The following NLRP13 variants were observed in gnomAD, a reference collection of about 807,000 sequenced individuals.
NLRP13 encodes the protein NLR family pyrin domain containing 13.
NLRP13 carries 82 observed loss-of-function variants against 94.4 expected under a neutral mutation model. The ratio of observed to expected loss-of-function variants is 0.87; its 90% confidence interval spans 0.73 to 1.04. NLRP13 has a LOEUF of 1.04. Among genes scored for constraint, NLRP13 ranks in the 50% least tolerant of loss-of-function variants. The pLI, the probability that NLRP13 is intolerant of heterozygous loss-of-function variation, is 0.00. For synonymous variants in NLRP13, 553 were observed against 464.7 expected, an observed-to-expected ratio of 1.19 and a Z score of -2.45; for missense variants, 1,426 against 1,230.8, an observed-to-expected ratio of 1.16 and a Z score of -2.37.
chr19:55,912,287 C>T lies in NLRP13; in HGVS notation c.1530G>A (p.Val510=), dbSNP rs199475875. Residue 510 remains valine, a synonymous_variant, in exon 5 of 11, where the codon GTG becomes GTA. Coordinates refer to ENST00000342929, the MANE Select transcript of NLRP13 (RefSeq NM_176810.2). Reference sequence around the variant, plus strand: ...ACTCGTAGAGAGAATCAATGAAAGGCACTTCCAGGCCCTCGATCTCAGTGT... The same window carrying T: ...ACTCGTAGAGAGAATCAATGAAAGGTACTTCCAGGCCCTCGATCTCAGTGT... ...KEDTEIEGLE[V]PFIDSLYEFN... 1.2e-5 allele frequency: 20 copies of T among 1,614,116 alleles called. No individual in the cohort carries two copies. The African/African-American group carries it at 2.7e-4, about 22-fold the overall frequency.
chr19:55,913,160 C>T lies in NLRP13; in HGVS notation c.657G>A (p.Leu219=). The change falls in exon 5 of 11, where the codon CTG becomes CTA. Residue 219 remains leucine, a synonymous_variant. Transcript: ENST00000342929. ...CCTGGGCTCTAGTCCTATTAGGATC[C>T]AGTAGGCGCTGCAGTTCCTCATGTT... ...KDEHEELQRL[L]DPNRTRAQAQ... 11 of 1,614,110 alleles carry T rather than the reference C, an allele frequency of 6.8e-6. No individual in the cohort carries two copies. Among genetic ancestry groups the T allele is most frequent in the Non-Finnish European group, 9.3e-6 (11 of 1,180,026 alleles).
downstream of NLRP13, chr19:55,892,096 C>T (rs1364450607): frequency 3.2e-6 from 4 of 1,231,856 alleles, no homozygotes; most frequent in African/African-American, 4.7e-5. Flanking sequence ...TCCTCTCTCA[C>T]TACATTGTGC....
downstream of NLRP13, among the ~76,000 whole-genome samples, chr19:55,895,746 A>G (rs1985989733): frequency 6.6e-6 from 1 of 152,194 alleles, no homozygotes; most frequent in African/African-American, 2.4e-5. Flanking sequence ...CCATGTTTCA[A>G]GTGCCCAATG....
chr19:55,912,280 T>C lies in NLRP13; in HGVS notation c.1537A>G (p.Ile513Val). The C allele has an allele frequency of 1.2e-6, 2 of 1,614,136 alleles. No homozygotes were observed. Among genetic ancestry groups the C allele is most frequent in the African/African-American group, 1.3e-5 (1 of 75,044 alleles). Reference protein sequence around the residue: ...TEIEGLEVPFIDSLYEFNILQ... With the variant: ...TEIEGLEVPFVDSLYEFNILQ... The stretch of plus-strand genomic sequence containing the variant: ...ATATTGAACTCGTAGAGAGAATCAA[T>C]GAAAGGCACTTCCAGGCCCTCGATC... Residue 513 changes from isoleucine to valine, a missense_variant, in exon 5 of 11, where the codon ATT becomes GTT. Ile to Val is a conservative substitution (Grantham distance 29, BLOSUM62 3). Transcript: ENST00000342929.
At chr19:55,931,718 A>AGACAGAAAGACAGAAAGAAAGAAAG in intron 1 of NLRP13, among the ~76,000 whole-genome samples, 1 of 96,032 alleles carries the variant, frequency 1.0e-5, no homozygotes, top group African/African-American at 4.1e-5. Flanking sequence ...TCAAAAAAAA[A>AGACAGAAAGACAGAAAGAAAGAAAG]AAAAAAAGAA....
At chr19:55,916,170 C>T (rs1986669025) in intron 4 of NLRP13, among the ~76,000 whole-genome samples, 1 of 152,050 alleles carries the variant, frequency 6.6e-6, no homozygotes, top group African/African-American at 2.4e-5. Context: ...TCAGAAAAGC[C>T]AAATGACCCT....
chr19:55,910,368 T>A (rs149639649), intron 6 of NLRP13, among the ~76,000 whole-genome samples, 195 bp downstream of exon 6: 1 of 152,196 alleles, frequency 6.6e-6, no homozygotes, highest in Non-Finnish European at 1.5e-5. Flanking sequence ...GCGAGATCAT[T>A]CTTGATAGAT....
chr19:55,923,001 C>T (rs76460715), intron 4 of NLRP13, among the ~76,000 whole-genome samples: 2,932 of 152,196 alleles, frequency 0.019, 91 homozygotes, highest in African/African-American at 0.064. Flanking sequence ...GCTCTATGTC[C>T]CTGTGATTCT....
intron 4 of NLRP13, among the ~76,000 whole-genome samples, chr19:55,913,955 CA>C (rs1986613960): frequency 6.6e-6 from 1 of 152,170 alleles, no homozygotes; most frequent in Non-Finnish European, 1.5e-5. Context: ...TTCAGAGCAA[CA>C]AGGGATTTGG....
At chr19:55,898,252 C>A (rs969800053) in intron 10 of NLRP13, among the ~76,000 whole-genome samples, 2 of 144,652 alleles carry the variant, frequency 1.4e-5, no homozygotes, top group African/African-American at 5.1e-5. Flanking sequence ...TCTTGTCTCC[C>A]AGGCTGGAGT....
Position 55,902,083 on chromosome 19 carries a change from A to C in NLRP13, c.2741T>G (p.Phe914Cys), listed in dbSNP as rs1273116041. 1 of 1,614,076 alleles carries C rather than the reference A, an allele frequency of 6.2e-7. No individual in the cohort carries two copies. Among genetic ancestry groups the C allele is most frequent in the African/African-American group, 1.3e-5 (1 of 75,016 alleles). ...TGGGCGACCCAAGGCCTCACACAGG[A>C]ACTTGACTCCCTCGTCTCTCAGGCT... ...KNSLRDEGVK[F>C]LCEALGRPDG... The change falls in exon 9 of 11, where the codon TTC becomes TGC. Residue 914 changes from phenylalanine to cysteine, a missense_variant. Coordinates refer to ENST00000342929, the MANE Select transcript of NLRP13 (RefSeq NM_176810.2).
At chr19:55,914,773 A>G (rs1986635214) in intron 4 of NLRP13, among the ~76,000 whole-genome samples, 1 of 152,226 alleles carries the variant, frequency 6.6e-6, no homozygotes, top group South Asian at 2.1e-4. Context: ...TTAAAGGCTG[A>G]ATAGTATTCT....
chr19:55,906,909 G>A (rs1342260589), intron 7 of NLRP13, among the ~76,000 whole-genome samples: 2 of 152,112 alleles, frequency 1.3e-5, no homozygotes, highest in South Asian at 2.1e-4. Flanking sequence ...CTCATTCTTA[G>A]GTCCCACCCC....
At chr19:55,899,045 A>C in intron 9 of NLRP13, 108 bp from the exon 10 acceptor site, 1 of 1,220,678 alleles carries the variant, frequency 8.2e-7, no homozygotes, top group South Asian at 1.5e-5. Flanking sequence ...CCCTGAAGCC[A>C]GACTTTTGTC....
intron 4 of NLRP13, among the ~76,000 whole-genome samples, chr19:55,918,677 A>T (rs1223070526): frequency 2.6e-5 from 4 of 152,144 alleles, no homozygotes; most frequent in African/African-American, 9.6e-5. Context: ...AATCAGGAAT[A>T]AATATAAATC....
intron 9 of NLRP13, among the ~76,000 whole-genome samples, chr19:55,899,577 C>T (rs1291450447): frequency 3.3e-5 from 5 of 151,938 alleles, no homozygotes; most frequent in South Asian, 4.2e-4. Context: ...GTCAGGAGTT[C>T]GAGACCAGCC....
downstream of NLRP13, chr19:55,895,816 A>T: frequency 1.0e-6 from 1 of 971,824 alleles, no homozygotes. Context: ...TCCCACCCTT[A>T]CTGGAAGTTC....
chr19:55,917,305 C>T (rs966774450), intron 4 of NLRP13, among the ~76,000 whole-genome samples: 2 of 151,852 alleles, frequency 1.3e-5, no homozygotes, highest in Non-Finnish European at 2.9e-5. Flanking sequence ...AAAGCAATTA[C>T]ACAAAGGAGA....
chr19:55,909,827 T>C (rs10405239), intron 6 of NLRP13, among the ~76,000 whole-genome samples: 14,829 of 152,248 alleles, frequency 0.097, 774 homozygotes, highest in Middle Eastern at 0.18. Context: ...CTCGTTTTCT[T>C]GGCTTGGAAT....
Sources: gnomAD v4.1 joint callset for allele counts (sites outside exome capture counted in the v4.1 genomes callset) on GRCh38, gnomAD v4.1.1 for gene constraint, MANE v1.5 for transcripts, NCBI Gene and HGNC (gene_info 2026-07-23, HGNC 2026-07-21) for gene names.